Variants in RPS6KA2 observed in about 807,000 individuals in gnomAD.
The protein encoded by RPS6KA2 is ribosomal protein S6 kinase alpha-2.
Under a neutral mutation model 91.8 loss-of-function variants are expected in RPS6KA2, and 42 were observed. That is an observed-to-expected ratio of 0.46 (90% confidence interval 0.36 to 0.59). The LOEUF is 0.59. RPS6KA2 is among the 20% of genes least tolerant of loss of function. The pLI is 0.00. For missense variants in RPS6KA2, 798 were observed against 978.5 expected (o/e 0.82, Z 2.46); for synonymous variants, 414 against 393.6 (o/e 1.05, Z -0.61).
At chr6:166,584,932 T>A (rs1785121936) in intron 1 of RPS6KA2, among the ~76,000 whole-genome samples, 1 of 152,220 alleles carries the variant, frequency 6.6e-6, no homozygotes, top group Admixed American at 6.5e-5. Context: ...TATTTTAAGA[T>A]CCCGAGGGGG....
At chr6:166,599,024 T>C (rs1184377048) in intron 1 of RPS6KA2, among the ~76,000 whole-genome samples, 1 of 152,194 alleles carries the variant, frequency 6.6e-6, no homozygotes, top group Non-Finnish European at 1.5e-5. Flanking sequence ...CCAGGTTCGG[T>C]GATCAAAATC....
At chr6:166,622,277 G>A (rs1468242956) in intron 1 of RPS6KA2, among the ~76,000 whole-genome samples, 1 of 152,258 alleles carries the variant, frequency 6.6e-6, no homozygotes, top group Non-Finnish European at 1.5e-5. Context: ...AGTATGTAAT[G>A]AAATTCCAAG....
chr6:166,632,611 C>CAAAAAAAA (rs34051695), intron 2 of RPS6KA2, among the ~76,000 whole-genome samples: 2 of 119,448 alleles, frequency 1.7e-5, no homozygotes, highest in African/African-American at 3.2e-5. Context: ...AACTCCATCT[C>CAAAAAAAA]AAAAAAAAAA....
intron 1 of RPS6KA2, among the ~76,000 whole-genome samples, chr6:166,564,393 C>T (rs1422928973): frequency 6.6e-6 from 1 of 152,166 alleles, no homozygotes; most frequent in African/African-American, 2.4e-5. Context: ...GGGCAGATTC[C>T]CCCTCAGCCT....
At chr6:166,808,848 T>C (rs1025743059) in intron 2 of RPS6KA2, among the ~76,000 whole-genome samples, 1 of 152,236 alleles carries the variant, frequency 6.6e-6, no homozygotes, top group African/African-American at 2.4e-5. Context: ...TAGCTGGATG[T>C]TGAGACATTC....
chr6:166,509,854 C>A (rs569595084), intron 4 of RPS6KA2, among the ~76,000 whole-genome samples: 78 of 152,266 alleles, frequency 5.1e-4, no homozygotes, highest in African/African-American at 1.8e-3. Context: ...GAGGGTTCAA[C>A]GAACTACTAT....
At chr6:166,542,420 T>G (rs1028727594) in intron 1 of RPS6KA2, 1 of 152,266 alleles carries the variant, frequency 6.6e-6, no homozygotes, top group Non-Finnish European at 1.5e-5. Flanking sequence ...GGCAGGAGCA[T>G]GTGGTTTCCA....
intron 2 of RPS6KA2, among the ~76,000 whole-genome samples, chr6:166,842,228 G>A (rs181703097): frequency 2.1e-4 from 32 of 152,338 alleles, no homozygotes; most frequent in Admixed American, 1.8e-3. Context: ...CAAAAGATAC[G>A]TGAGTCTCCA....
intron 2 of RPS6KA2, among the ~76,000 whole-genome samples, chr6:166,843,977 G>A (rs545429419): frequency 1.5e-4 from 23 of 151,724 alleles, no homozygotes; most frequent in African/African-American, 5.6e-4. Context: ...TACTTAAGGA[G>A]GCACCAGAGA....
At chr6:166,703,153 A>G (rs945536603) in intron 2 of RPS6KA2, among the ~76,000 whole-genome samples, 8 of 152,262 alleles carry the variant, frequency 5.3e-5, no homozygotes, top group African/African-American at 1.9e-4. Context: ...CAAGCAATAC[A>G]GGGGCAGTCG....
In RPS6KA2 at chr6:166,578,718, G is replaced by T. The variant is rs143989904; in HGVS notation, c.100-39934C>A. Reference sequence around the variant, plus strand: ...TCTGGACCAGCAGGGCTGCTCACAGGAGTCACCGTGCCAGGATCACTGTGC... The same window carrying T: ...TCTGGACCAGCAGGGCTGCTCACAGTAGTCACCGTGCCAGGATCACTGTGC... On this transcript the variant is annotated intron_variant, in intron 1 of 20. Coordinates refer to ENST00000265678, the MANE Select transcript of RPS6KA2 (RefSeq NM_021135.6). Among the ~76,000 whole-genome samples the T allele has an allele frequency of 8.2e-4, 125 of 152,312 alleles. 1 individual carries two copies. Among genetic ancestry groups the T allele is most frequent in the African/African-American group, 2.9e-3 (119 of 41,578 alleles).
rs1277607643 is a variant in RPS6KA2, at chr6:166,409,679, C to CT, written c.*3082dup. On this transcript the variant is annotated 3_prime_UTR_variant, in exon 21 of 21. Transcript: ENST00000265678. ...ACACCGCTCAGGGACCGGCAGCGTC[C>CT]TTCTCCATTCTCGAATTTGCATGAC... 6.6e-6 allele frequency: 1 copy of CT among 152,546 alleles called. No homozygotes were observed. Among genetic ancestry groups the CT allele is most frequent in the Non-Finnish European group, 1.5e-5 (1 of 68,044 alleles). 9.4% of individuals were successfully genotyped at this position (152,546 alleles called of 1,614,324 possible). A position where few individuals can be genotyped will look rare whatever the true frequency, so the allele number is the denominator to read the frequency against.
chr6:166,562,872 T>C (rs561546487), intron 1 of RPS6KA2, among the ~76,000 whole-genome samples: 1 of 152,138 alleles, frequency 6.6e-6, no homozygotes, highest in Non-Finnish European at 1.5e-5. Flanking sequence ...GAAGGCTACT[T>C]GGACTTCCAG....
chr6:166,432,156 G>A (rs1400924034), intron 15 of RPS6KA2, among the ~76,000 whole-genome samples: 1 of 152,190 alleles, frequency 6.6e-6, no homozygotes. Context: ...CCTGTGGACT[G>A]TAATTCACAC....
intron 2 of RPS6KA2, among the ~76,000 whole-genome samples, chr6:166,655,890 A>C (rs1421321206): frequency 6.6e-6 from 1 of 152,192 alleles, no homozygotes. Flanking sequence ...CAGCAGGTGC[A>C]CTCGGAGACA....
intron 11 of RPS6KA2, chr6:166,465,324 C>T (rs1018338987): frequency 6.6e-6 from 1 of 152,190 alleles, no homozygotes; most frequent in Non-Finnish European, 1.5e-5. Flanking sequence ...TAAATAAATA[C>T]CTTTAAACAT....
intron 3 of RPS6KA2, among the ~76,000 whole-genome samples, chr6:166,526,201 A>G (rs57542238): frequency 0.036 from 5,500 of 151,748 alleles, 328 homozygotes; most frequent in African/African-American, 0.12. Flanking sequence ...AATTTTTGGG[A>G]AAAAAAAATC....
intron 5 of RPS6KA2, among the ~76,000 whole-genome samples, chr6:166,506,150 C>T (rs913781656): frequency 1.3e-5 from 2 of 152,128 alleles, no homozygotes; most frequent in Non-Finnish European, 2.9e-5. Flanking sequence ...GCGACGGTCC[C>T]CATAAGATGC....
At chr6:166,436,798 A>C (rs1476937119) in intron 14 of RPS6KA2, among the ~76,000 whole-genome samples, 1 of 152,172 alleles carries the variant, frequency 6.6e-6, no homozygotes, top group African/African-American at 2.4e-5. Flanking sequence ...CTCCTGCCTC[A>C]GCCTCCCGAG....
Sources: allele counts gnomAD v4.1 joint callset (sites outside exome capture counted in the v4.1 genomes callset), GRCh38; gene constraint gnomAD v4.1.1; transcripts MANE v1.5; gene names NCBI Gene and HGNC (gene_info 2026-07-23, HGNC 2026-07-21).